The following NUP155 variants were observed in gnomAD, a reference collection of about 807,000 sequenced individuals.
The protein encoded by NUP155 is nuclear pore complex protein Nup155.
Under a neutral mutation model 180.4 loss-of-function variants are expected in NUP155, and 71 were observed. The ratio of observed to expected loss-of-function variants is 0.39; its 90% confidence interval spans 0.33 to 0.48. The LOEUF (loss-of-function observed/expected upper bound fraction) is 0.48. NUP155 is among the 20% of genes least tolerant of loss of function. The pLI is 0.91. For synonymous variants in NUP155, 582 were observed against 559.5 expected, an observed-to-expected ratio of 1.04 and a Z score of -0.57; for missense variants, 1,553 against 1,648.9, an observed-to-expected ratio of 0.94 and a Z score of 1.01.
At chr5:37,305,603 A>C (rs1743110847) in intron 25 of NUP155, among the ~76,000 whole-genome samples, 1 of 152,060 alleles carries the variant, frequency 6.6e-6, no homozygotes, top group Non-Finnish European at 1.5e-5. Flanking sequence ...AATTGCTTGA[A>C]CCTGGGAGGC....
chr5:37,368,292 T>C (rs1747738324), intron 1 of NUP155, among the ~76,000 whole-genome samples: 1 of 128,328 alleles, frequency 7.8e-6, no homozygotes, highest in Non-Finnish European at 1.6e-5. Context: ...CAATCACAGC[T>C]CCCTGCAGTC....
At chr5:37,364,086 G>T in intron 2 of NUP155, 102 bp from the exon 3 acceptor site, 1 of 1,126,898 alleles carries the variant, frequency 8.9e-7, no homozygotes, top group Non-Finnish European at 1.3e-6. Context: ...ATCACAATGT[G>T]TCCACTCTTT....
chr5:37,344,868 T>A (rs1018378714), intron 9 of NUP155, among the ~76,000 whole-genome samples: 3 of 135,274 alleles, frequency 2.2e-5, no homozygotes, highest in East Asian at 4.3e-4. Flanking sequence ...CAAGACTCCA[T>A]CTCAAAAAAA....
intron 10 of NUP155, 80 bp from the exon 11 acceptor site, chr5:37,341,322 A>C (rs1028424725): frequency 8.7e-7 from 1 of 1,148,028 alleles, no homozygotes; most frequent in Non-Finnish European, 1.3e-6. Flanking sequence ...AATTACATAC[A>C]GCAATGCAAC....
chr5:37,292,956 T>C lies in NUP155; in HGVS notation c.3960A>G (p.Pro1320=). The change falls in exon 34 of 35, where the codon CCA becomes CCG. Residue 1320 remains proline (P), a synonymous_variant. Coordinates refer to ENST00000231498, the MANE Select transcript of NUP155 (RefSeq NM_153485.3). ...CATGTATACAATCCAAAAGGTGCAG[T>C]GGCTTCTTCATTCTGTTCCAGAATG... ...RDPFWNRMKK[P]LHLLDCIHVL... is the part of the protein sequence containing the mutation. The C allele has an allele frequency of 1.9e-6, 3 of 1,611,974 alleles. No homozygotes were observed. Among genetic ancestry groups the C allele is most frequent in the Non-Finnish European group, 2.5e-6 (3 of 1,178,330 alleles).
chr5:37,361,172 G>T (rs776602845), intron 3 of NUP155, among the ~76,000 whole-genome samples: 6 of 150,348 alleles, frequency 4.0e-5, no homozygotes, highest in Non-Finnish European at 7.4e-5. Context: ...CAGAGGCTGA[G>T]GCAAGAAGTG....
At chr5:37,320,006 G>A (rs1744140786) in intron 20 of NUP155, among the ~76,000 whole-genome samples, 1 of 151,490 alleles carries the variant, frequency 6.6e-6, no homozygotes, top group Non-Finnish European at 1.5e-5. Flanking sequence ...AACACAGTGA[G>A]ACCCTATCTC....
intron 13 of NUP155, among the ~76,000 whole-genome samples, chr5:37,332,844 C>T (rs1745067878): frequency 1.3e-5 from 2 of 152,120 alleles, no homozygotes; most frequent in African/African-American, 4.8e-5. Flanking sequence ...GTATTCCCAG[C>T]TACTCAGGAG....
At chr5:37,334,155 G>A (rs929658011) in intron 12 of NUP155, among the ~76,000 whole-genome samples, 2 of 151,314 alleles carry the variant, frequency 1.3e-5, no homozygotes, top group African/African-American at 4.9e-5. Flanking sequence ...AAGCTGGAGT[G>A]CGCTGGCACG....
intron 28 of NUP155, among the ~76,000 whole-genome samples, 161 bp from the exon 29 acceptor site, chr5:37,303,069 C>G (rs576672296): frequency 6.6e-6 from 1 of 151,874 alleles, no homozygotes; most frequent in African/African-American, 2.4e-5. Context: ...TTTTAGATTT[C>G]TCATAAGAGA....
chr5:37,342,508 G>A lies in NUP155; in HGVS notation c.1093+41C>T, dbSNP rs532536742. On this transcript the variant is annotated intron_variant, in intron 10 of 34. Coordinates refer to ENST00000231498, the MANE Select transcript of NUP155 (RefSeq NM_153485.3). ...TTTCCAAATCTAAGAATTTTCAGAA[G>A]TTGTAACAGTAATAGCAGATATGTA... The A allele has an allele frequency of 9.2e-5, 113 of 1,229,990 alleles. 1 individual carries two copies. The East Asian group carries it at 2.1e-3, about 23-fold the overall frequency. The allele number at this position is 1,229,990 out of a possible 1,614,324, so 76.2% of individuals were successfully genotyped here.
chr5:37,327,439 A>G (rs551614059), intron 18 of NUP155, among the ~76,000 whole-genome samples, 190 bp downstream of exon 18: 1 of 152,358 alleles, frequency 6.6e-6, no homozygotes, highest in South Asian at 2.1e-4. Context: ...GAGTAAGAGA[A>G]ATAAAACACA....
chr5:37,362,505 C>G (rs1384599339), intron 3 of NUP155, among the ~76,000 whole-genome samples: 1 of 152,072 alleles, frequency 6.6e-6, no homozygotes, highest in Non-Finnish European at 1.5e-5. Flanking sequence ...TCAGGCTGGT[C>G]TCGAACTCCC....
At chr5:37,370,564 T>C in intron 1 of NUP155, 1 of 1,038,018 alleles carries the variant, frequency 9.6e-7, no homozygotes, top group Non-Finnish European at 1.3e-6. Flanking sequence ...AGAAGCTCAT[T>C]AAGGTTGAGG....
In NUP155 at chr5:37,342,639, C is replaced by G; in HGVS notation, c.1003G>C (p.Asp335His). ...SAAGNIARTIDRSVFKPIVQI... is the reference protein window; with the variant it reads ...SAAGNIARTIHRSVFKPIVQI... The stretch of plus-strand genomic sequence containing the variant: ...ACAATTGGTTTAAAAACAGAACGAT[C>G]GATGGTCCTAAAAGAAAGGAGAAAA... The change falls in exon 10 of 35, where the codon GAT becomes CAT. Residue 335 changes from aspartate (D) to histidine (H), a missense_variant. Transcript: ENST00000231498. 1 of 1,600,466 alleles carries G rather than the reference C, an allele frequency of 6.2e-7. No individual in the cohort carries two copies. Among genetic ancestry groups the G allele is most frequent in the Non-Finnish European group, 8.6e-7 (1 of 1,167,918 alleles).
At chr5:37,360,021 G>A (rs1172211841) in intron 3 of NUP155, among the ~76,000 whole-genome samples, 3 of 152,070 alleles carry the variant, frequency 2.0e-5, no homozygotes, top group Non-Finnish European at 4.4e-5. Flanking sequence ...CGGAGGCTGA[G>A]GCATGAAAAT....
intron 1 of NUP155, among the ~76,000 whole-genome samples, chr5:37,367,681 C>T (rs1421031094): frequency 7.4e-5 from 11 of 149,500 alleles, no homozygotes; most frequent in African/African-American, 2.0e-4. Flanking sequence ...TATAGGCGCC[C>T]GCCACCACGC....
At chr5:37,294,602 T>C (rs1742422292) in intron 32 of NUP155, 137 bp from the exon 33 acceptor site, 1 of 773,998 alleles carries the variant, frequency 1.3e-6, no homozygotes, top group African/African-American at 1.7e-5. Context: ...GGGGGGTTTT[T>C]TTTGCTATGT....
chr5:37,344,586 A>C (rs1214650590), intron 9 of NUP155, among the ~76,000 whole-genome samples: 3 of 151,486 alleles, frequency 2.0e-5, no homozygotes, highest in Non-Finnish European at 4.4e-5. Flanking sequence ...ACTGGAGAAA[A>C]ATGGAAAGAA....
Sources: gnomAD v4.1 joint callset for allele counts (sites outside exome capture counted in the v4.1 genomes callset) on GRCh38, gnomAD v4.1.1 for gene constraint, MANE v1.5 for transcripts, NCBI Gene and HGNC (gene_info 2026-07-23, HGNC 2026-07-21) for gene names.